Variants in SNAP47 observed in about 807,000 individuals in gnomAD.
SNAP47 encodes synaptosomal-associated protein 47.
In SNAP47, 20 loss-of-function variants were observed where a neutral mutation model predicts 31.4. That is an observed-to-expected ratio of 0.64 (90% CI 0.45 to 0.93). SNAP47 has a LOEUF of 0.93. Ranked by LOEUF, SNAP47 falls within the 40% of genes least tolerant of loss-of-function variation. The probability of loss-of-function intolerance (pLI) is 0.00; values close to 1 mark genes in which losing one functional copy is unlikely to be tolerated. For missense variants in SNAP47, 492 were observed against 528.5 expected (o/e 0.93, Z 0.68); for synonymous variants, 194 against 213.4 (o/e 0.91, Z 0.79).
chr1:227,764,854 C>T (rs373653326), intron 3 of SNAP47, among the ~76,000 whole-genome samples: 17 of 151,978 alleles, frequency 1.1e-4, no homozygotes, highest in African/African-American at 2.9e-4. Flanking sequence ...TGGTGAGCCG[C>T]GATCACACCA....
chr1:227,759,203 G>A lies in SNAP47; in HGVS notation c.706G>A (p.Gly236Arg), dbSNP rs201572128. ...AGGGAGGCTCACCGTCCTTGTGTCT[G>A]GGTTGGAAATACATGACTCCAGTTC... is the stretch of plus-strand genomic sequence containing the variant. ...KPGRLTVLVS[G>R]LEIHDSSSLL... Residue 236 changes from glycine (G) to arginine (R), a missense_variant, in exon 3 of 5, where the codon GGG (glycine) becomes AGG (arginine). Physicochemically the swap from Gly to Arg is moderately radical, Grantham distance 125. Transcript: ENST00000617596. The A allele has an allele frequency of 2.5e-6, 4 of 1,614,216 alleles. No individual in the cohort carries two copies. Among genetic ancestry groups the A allele is most frequent in the Non-Finnish European group, 3.4e-6 (4 of 1,180,042 alleles).
chr1:227,736,537 T>G (rs1413829533), intron 1 of SNAP47: 3 of 90,688 alleles, frequency 3.3e-5, no homozygotes, highest in East Asian at 3.6e-4. Context: ...TTTTTTTTTT[T>G]GAGACAGTAT....
chr1:227,766,736 T>G lies in SNAP47; in HGVS notation c.989-223T>G, dbSNP rs144707017. Among the ~76,000 whole-genome samples the G allele has an allele frequency of 7.4e-3, 1,130 of 152,346 alleles. 7 individuals are homozygous for G. Among genetic ancestry groups the G allele is most frequent in the Middle Eastern group, 0.044 (13 of 294 alleles). ...ACCACTTGGGATGTAGGGCTTTTAC[T>G]CTGAGAGGTACAGAGTGGCCACCGT... On this transcript the variant is annotated intron_variant, in intron 3 of 4. Coordinates refer to ENST00000617596, the MANE Select transcript of SNAP47 (RefSeq NM_053052.4).
Position 227,735,493 on chromosome 1 carries a change from C to A in SNAP47, c.-52C>A, listed in dbSNP as rs1413749254. The A allele has an allele frequency of 7.1e-7, 1 of 1,410,710 alleles. No homozygotes were observed. The highest frequency in any genetic ancestry group is 2.8e-5 in the East Asian group (1 of 36,230). The allele number at this position is 1,410,710 out of a possible 1,614,324, so 87.4% of individuals were successfully genotyped here. On this transcript the variant is annotated 5_prime_UTR_variant, in exon 1 of 5. Transcript: ENST00000617596. ...GTCGGCTCTGGGACTCGTCTGGCGT[C>A]CCTCAGGTGAGCGACGGTGTTGGTC...
Position 227,741,394 on chromosome 1 carries a change from G to A in SNAP47, c.-46+5895G>A, listed in dbSNP as rs546414232. On this transcript the variant is annotated intron_variant, in intron 1 of 4. Transcript: ENST00000617596. This position sits in a 1 kb window ranked among gnomAD's most constrained non-coding sequence, Gnocchi z 4.2. ...AGAGGGTAGTGGCCAGGGAGCCAGG[G>A]TGCAGTGACTCTCAGCAAGGCCCCT... Among the ~76,000 whole-genome samples, 6 of 152,262 alleles carry A rather than the reference G, an allele frequency of 3.9e-5. No individual in the cohort carries two copies. The East Asian group carries it at 9.6e-4, about 24-fold the overall frequency.
intron 1 of SNAP47, among the ~76,000 whole-genome samples, chr1:227,745,501 G>T (rs1661902838): frequency 6.6e-6 from 1 of 152,216 alleles, no homozygotes; most frequent in Non-Finnish European, 1.5e-5. Flanking sequence ...TCAGAGAGCA[G>T]TCTGGTGTGA....
chr1:227,780,697 G>A lies in SNAP47; in HGVS notation c.*24G>A. On this transcript the variant is annotated 3_prime_UTR_variant, in exon 5 of 5. Coordinates refer to ENST00000617596, the MANE Select transcript of SNAP47 (RefSeq NM_053052.4). ...AGGGGCAGAACGTCCCTGCATTCCT[G>A]TCTCACCCTGCACATCCCGCTGAGA... is the stretch of plus-strand genomic sequence containing the variant. 1 of 1,613,492 alleles carries A rather than the reference G, an allele frequency of 6.2e-7. No individual in the cohort carries two copies. Among genetic ancestry groups the A allele is most frequent in the Non-Finnish European group, 8.5e-7 (1 of 1,179,736 alleles).
chr1:227,759,199 G>C lies in SNAP47; in HGVS notation c.702G>C (p.Val234=), dbSNP rs1196824295. 3 of 1,614,216 alleles carry C rather than the reference G, an allele frequency of 1.9e-6. No homozygotes were observed. The highest frequency in any genetic ancestry group is 2.2e-5 in the East Asian group (1 of 44,886). The change falls in exon 3 of 5, where the codon GTG becomes GTC. Residue 234 remains valine (V), a synonymous_variant. Transcript: ENST00000617596. Reference sequence around the variant, plus strand: ...AACCAGGGAGGCTCACCGTCCTTGTGTCTGGGTTGGAAATACATGACTCCA... The same window carrying C: ...AACCAGGGAGGCTCACCGTCCTTGTCTCTGGGTTGGAAATACATGACTCCA... ...HVKPGRLTVL[V]SGLEIHDSSS...
chr1:227,776,216 C>A, intron 4 of SNAP47: 1 of 1,083,278 alleles, frequency 9.2e-7, no homozygotes, highest in Non-Finnish European at 1.1e-6. Context: ...CTCTAAGCTG[C>A]AGCTTCTCTT....
upstream of SNAP47, chr1:227,732,065 G>A (rs748253734): frequency 2.3e-6 from 1 of 431,034 alleles, no homozygotes. Context: ...GGAGCCACCA[G>A]AGAAGGCACA....
At chr1:227,749,115 C>T (rs1346524679) in intron 2 of SNAP47, among the ~76,000 whole-genome samples, 1 of 152,230 alleles carries the variant, frequency 6.6e-6, no homozygotes, top group East Asian at 1.9e-4. Context: ...CGTCATGGCC[C>T]GAGCATCTTC....
intron 2 of SNAP47, among the ~76,000 whole-genome samples, chr1:227,758,504 G>T (rs183291810): frequency 2.4e-4 from 35 of 147,968 alleles, no homozygotes; most frequent in Admixed American, 1.6e-3. Flanking sequence ...GAGTGTGGGT[G>T]GTGGGGAAGC....
At chr1:227,759,546 G>A in intron 3 of SNAP47, 61 bp downstream of exon 3, 6 of 1,569,148 alleles carry the variant, frequency 3.8e-6, no homozygotes, top group Non-Finnish European at 5.2e-6. Context: ...GGCAGACTCA[G>A]CACGCCTGTG....
upstream of SNAP47, chr1:227,734,085 T>TAG: frequency 6.3e-7 from 1 of 1,585,604 alleles, no homozygotes; most frequent in African/African-American, 1.4e-5. Flanking sequence ...ACGAGGAGAC[T>TAG]AGGGCAGCAC....
chr1:227,742,348 C>T lies in SNAP47; in HGVS notation c.-45-5344C>T, dbSNP rs139702783. On this transcript the variant is annotated intron_variant, in intron 1 of 4. Coordinates refer to ENST00000617596, the MANE Select transcript of SNAP47 (RefSeq NM_053052.4). The stretch of plus-strand genomic sequence containing the variant: ...CTCCCAGGCTCAAGTGATCCTCCTA[C>T]CTCAGCCTCCTGAGTAGCTGGGACC... 4.6e-3 allele frequency among the ~76,000 whole-genome samples: 696 copies of T among 152,310 alleles called. 18 individuals carry two copies. The South Asian group carries it at 0.056, about 12-fold the overall frequency.
At chr1:227,766,007 G>C (rs1300221459) in intron 3 of SNAP47, among the ~76,000 whole-genome samples, 1 of 152,136 alleles carries the variant, frequency 6.6e-6, no homozygotes, top group African/African-American at 2.4e-5. Flanking sequence ...GTATGCCCTT[G>C]GCCCCAGCAA....
intron 4 of SNAP47, among the ~76,000 whole-genome samples, chr1:227,771,370 A>G (rs1663793157): frequency 6.6e-6 from 1 of 152,140 alleles, no homozygotes; most frequent in Non-Finnish European, 1.5e-5. Flanking sequence ...ACCACATTGC[A>G]TGCACTTTCT....
At chr1:227,730,223 G>A (rs1024007193), upstream of SNAP47, among the ~76,000 whole-genome samples, 1 of 152,164 alleles carries the variant, frequency 6.6e-6, no homozygotes, top group African/African-American at 2.4e-5. Flanking sequence ...CCAGGGAGAC[G>A]TGGCCTGTCA....
In SNAP47 at chr1:227,741,166, T is replaced by A. The variant is rs78311689; in HGVS notation, c.-46+5667T>A. 0.018 allele frequency among the ~76,000 whole-genome samples: 2,814 copies of A among 152,192 alleles called. 94 individuals are homozygous for A. The highest frequency in any genetic ancestry group is 0.063 in the African/African-American group (2,625 of 41,498). ...CAGCGAGTGATCAGATGTCCAAGTT[T>A]GAAGCGTGAGGGAGTCTGGCTGGAG... On this transcript the variant is annotated intron_variant, in intron 1 of 4. Coordinates refer to ENST00000617596, the MANE Select transcript of SNAP47 (RefSeq NM_053052.4). The surrounding 1 kb of genome is among the most constrained non-coding windows in gnomAD (Gnocchi z 4.2).
Sources: allele counts gnomAD v4.1 joint callset (sites outside exome capture counted in the v4.1 genomes callset), GRCh38; gene constraint gnomAD v4.1.1; non-coding constraint Gnocchi (gnomAD v3.1); transcripts MANE v1.5; gene names NCBI Gene and HGNC (gene_info 2026-07-23, HGNC 2026-07-21).